Variants in TUSC3 observed in about 807,000 individuals in gnomAD.
TUSC3 encodes dolichyl-diphosphooligosaccharide--protein glycosyltransferase subunit TUSC3.
In TUSC3, 45 loss-of-function variants were observed where a neutral mutation model predicts 44.8. The ratio of observed to expected loss-of-function variants is 1.00; its 90% CI spans 0.79 to 1.29. TUSC3 has a LOEUF of 1.29. Among genes scored for constraint, TUSC3 ranks in the 50% most tolerant of loss-of-function variants. The probability of loss-of-function intolerance (pLI) is 0.00; values close to 1 mark genes in which losing one functional copy is unlikely to be tolerated. For synonymous variants in TUSC3, 212 were observed against 152.9 expected, an observed-to-expected ratio of 1.39 and a Z score of -2.85; for missense variants, 519 against 437.9, an observed-to-expected ratio of 1.19 and a Z score of -1.65.
intron 1 of TUSC3, among the ~76,000 whole-genome samples, chr8:15,472,004 A>T (rs779777520): frequency 1.3e-5 from 2 of 151,540 alleles, no homozygotes; most frequent in Non-Finnish European, 2.9e-5. Flanking sequence ...AAGAAAAAAA[A>T]TGATTAAAAT....
chr8:15,504,938 G>A (rs1177911434), intron 2 of TUSC3, among the ~76,000 whole-genome samples: 1 of 151,708 alleles, frequency 6.6e-6, no homozygotes, highest in Non-Finnish European at 1.5e-5. Context: ...AGGCAATTTT[G>A]CGTCTTTCTT....
At chr8:15,604,963 A>T (rs532625513) in intron 1 of TUSC3, among the ~76,000 whole-genome samples, 1 of 151,956 alleles carries the variant, frequency 6.6e-6, no homozygotes, top group South Asian at 2.1e-4. Context: ...TGCTTTCTTC[A>T]GTTTTTTGGT....
chr8:15,423,277 C>T (rs754308509), intron 1 of TUSC3, among the ~76,000 whole-genome samples: 2 of 152,114 alleles, frequency 1.3e-5, no homozygotes, highest in South Asian at 4.1e-4. Context: ...ATAATGAGAG[C>T]TGTTTCTCTG....
At chr8:15,716,561 C>G (rs564723245) in intron 6 of TUSC3, among the ~76,000 whole-genome samples, 31 of 152,166 alleles carry the variant, frequency 2.0e-4, no homozygotes, top group African/African-American at 6.3e-4. Context: ...TTGTAATACA[C>G]TGATACACGT....
the TUSC3 span, among the ~76,000 whole-genome samples, chr8:15,820,532 A>T: frequency 6.6e-6 from 1 of 151,958 alleles, no homozygotes; most frequent in African/African-American, 2.4e-5. Context: ...CTTGGCCAGG[A>T]TGGTCTCGAT....
In TUSC3 at chr8:15,625,237, A is replaced by G. The variant is rs1805446210; in HGVS notation, c.308+1988A>G. On this transcript the variant is annotated intron_variant, in intron 2 of 10. Transcript: ENST00000503731. ...TATTTTATTATGTGTTGCTGGATTC[A>G]GTTTGCTAATTTTTTTTTGAAGAAG... is the stretch of plus-strand genomic sequence containing the variant. Among the ~76,000 whole-genome samples the G allele has an allele frequency of 2.7e-5, 4 of 149,664 alleles. No homozygotes were observed. In the South Asian group the frequency reaches 6.2e-4, roughly 23 times the overall value.
the TUSC3 span, among the ~76,000 whole-genome samples, chr8:15,801,781 T>C: frequency 6.6e-6 from 1 of 152,198 alleles, no homozygotes; most frequent in African/African-American, 2.4e-5. Flanking sequence ...TACCATGGGA[T>C]GAGTTTTCTC....
At chr8:15,720,280 G>A (rs1433192287) in intron 6 of TUSC3, among the ~76,000 whole-genome samples, 3 of 149,908 alleles carry the variant, frequency 2.0e-5, no homozygotes, top group Non-Finnish European at 3.0e-5. Context: ...ATAGTTTACC[G>A]ATTAAATATA....
intron 1 of TUSC3, among the ~76,000 whole-genome samples, chr8:15,424,137 C>T (rs967407248): frequency 2.6e-5 from 4 of 151,324 alleles, no homozygotes; most frequent in Non-Finnish European, 4.4e-5. Context: ...ACTACAGGCA[C>T]ACGCCACCAC....
chr8:15,628,057 A>G (rs1457412721), intron 2 of TUSC3, among the ~76,000 whole-genome samples: 1 of 152,218 alleles, frequency 6.6e-6, no homozygotes, highest in Non-Finnish European at 1.5e-5. Flanking sequence ...CTTAGTTGCC[A>G]TTTTGGTATA....
chr8:15,644,243 A>G (rs1447772471), intron 2 of TUSC3, among the ~76,000 whole-genome samples: 3 of 152,346 alleles, frequency 2.0e-5, no homozygotes, highest in Middle Eastern at 3.4e-3. Flanking sequence ...AGTGCCCTGC[A>G]GTTATTGCCT....
chr8:15,617,513 G>A (rs1437358332), intron 1 of TUSC3, among the ~76,000 whole-genome samples: 3 of 151,976 alleles, frequency 2.0e-5, no homozygotes, highest in Non-Finnish European at 2.9e-5. Flanking sequence ...ATGCATTCTG[G>A]CCCTCCCCCT....
intron 2 of TUSC3, among the ~76,000 whole-genome samples, chr8:15,485,140 C>T (rs1369217455): frequency 2.0e-5 from 3 of 152,162 alleles, no homozygotes; most frequent in Admixed American, 2.0e-4. Context: ...TCCTCTAGGA[C>T]ACCATTATCT....
chr8:15,785,651 G>A, the TUSC3 span, among the ~76,000 whole-genome samples: 1 of 151,940 alleles, frequency 6.6e-6, no homozygotes, highest in African/African-American at 2.4e-5. Flanking sequence ...CTCCAACCAT[G>A]CCCCTGCCTC....
chr8:15,543,682 T>G (rs2129133753), intron 1 of TUSC3, among the ~76,000 whole-genome samples: 1 of 152,054 alleles, frequency 6.6e-6, no homozygotes, highest in African/African-American at 2.4e-5. Context: ...TATTCCTCAT[T>G]TAAATGAAAG....
the TUSC3 span, among the ~76,000 whole-genome samples, chr8:15,773,085 T>C: frequency 5.5e-4 from 84 of 152,312 alleles, no homozygotes; most frequent in African/African-American, 1.3e-3. Context: ...ATGGCAAGAA[T>C]GCCTACTTTC....
rs187730236 is a variant in TUSC3, at chr8:15,502,206, T to G, written n.189+18723T>G. On this transcript the variant is annotated intron_variant and non_coding_transcript_variant, in intron 2 of 5. Transcript: ENST00000503191. The stretch of plus-strand genomic sequence containing the variant: ...TGATTTTTGTCTTTCTTTGCGCAAG[T>G]TTTTGCTGAAGTCTACAAACTGCTT... 8.8e-3 allele frequency among the ~76,000 whole-genome samples: 1,339 copies of G among 152,292 alleles called. 19 individuals are homozygous for G. Among genetic ancestry groups the G allele is most frequent in the African/African-American group, 0.031 (1,277 of 41,548 alleles).
chr8:15,817,149 T>C, the TUSC3 span, among the ~76,000 whole-genome samples: 10 of 152,346 alleles, frequency 6.6e-5, no homozygotes, highest in African/African-American at 2.4e-4. Context: ...GCACCAATGA[T>C]GTTTCTCTTT....
At chr8:15,432,282 A>G (rs1307668727) in intron 1 of TUSC3, among the ~76,000 whole-genome samples, 1 of 152,048 alleles carries the variant, frequency 6.6e-6, no homozygotes, top group Middle Eastern at 3.2e-3. Context: ...TTACTGATTC[A>G]ATCTCCTTAC....
Sources: gnomAD v4.1 joint callset for allele counts (sites outside exome capture counted in the v4.1 genomes callset) on GRCh38, gnomAD v4.1.1 for gene constraint, MANE v1.5 for transcripts, NCBI Gene and HGNC (gene_info 2026-07-23, HGNC 2026-07-21) for gene names.